The following BMERB1 variants were observed in gnomAD, a reference collection of about 807,000 sequenced individuals.
The protein encoded by BMERB1 is bMERB domain-containing protein 1.
Under a neutral mutation model 23.6 loss-of-function variants are expected in BMERB1, and 12 were observed. The observed-to-expected ratio is 0.51, with a 90% CI of 0.33 to 0.82. The LOEUF is 0.82. Among genes scored for constraint, BMERB1 ranks in the 40% least tolerant of loss-of-function variants. The pLI is 0.03. For missense variants in BMERB1, 247 were observed against 255.4 expected (o/e 0.97, Z 0.22); for synonymous variants, 122 against 96.6 (o/e 1.26, Z -1.54).
Position 15,436,198 on chromosome 16 carries a change from A to G in BMERB1, c.106+1439A>G, listed in dbSNP as rs952627161. Among the ~76,000 whole-genome samples the G allele has an allele frequency of 1.6e-4, 24 of 151,138 alleles. 1 individual carries two copies. The highest frequency in any genetic ancestry group is 4.6e-4 in the Admixed American group (7 of 15,124). ...TTTTTTTTGTGTTACAAACAATCCA[A>G]TTACACTCCTTTTTTAAAAAAGCCC... On this transcript the variant is annotated intron_variant, in intron 1 of 5. Transcript: ENST00000300006.
chr16:15,539,706 G>C (rs145227562), intron 2 of BMERB1, among the ~76,000 whole-genome samples: 2,168 of 152,066 alleles, frequency 0.014, 59 homozygotes, highest in African/African-American at 0.051. Context: ...AGCTGGGCGT[G>C]GTGGTGCACA....
At chr16:15,542,631 ATTT>A (rs927255507) in intron 2 of BMERB1, among the ~76,000 whole-genome samples, 2,577 of 96,816 alleles carry the variant, frequency 0.027, 25 homozygotes, top group Non-Finnish European at 0.04. Flanking sequence ...CCTCCTAGGG[ATTT>A]TTTTTTTTTT....
At chr16:15,495,549 G>C (rs149656500) in intron 1 of BMERB1, among the ~76,000 whole-genome samples, 1 of 152,030 alleles carries the variant, frequency 6.6e-6, no homozygotes, top group African/African-American at 2.4e-5. Flanking sequence ...GTATTTTTTA[G>C]TAGAGGTGGG....
chr16:15,468,647 T>G lies in BMERB1; in HGVS notation c.106+33888T>G, dbSNP rs150348403. 9.0e-4 allele frequency among the ~76,000 whole-genome samples: 137 copies of G among 152,304 alleles called. 1 individual carries two copies. The highest frequency in any genetic ancestry group is 3.2e-3 in the African/African-American group (131 of 41,556). On this transcript the variant is annotated intron_variant, in intron 1 of 5. Coordinates refer to ENST00000300006, the MANE Select transcript of BMERB1 (RefSeq NM_033201.3). ...GCCTTAGAATTTTGTTTTTGGTTTA[T>G]ACTCTTCACAGACTCTTTTGCAGAG...
At chr16:15,520,559 C>A (rs144979547) in intron 2 of BMERB1, among the ~76,000 whole-genome samples, 2,108 of 149,242 alleles carry the variant, frequency 0.014, 53 homozygotes, top group African/African-American at 0.051. Flanking sequence ...TCTGGACTCA[C>A]TACAAGCTCC....
intron 2 of BMERB1, among the ~76,000 whole-genome samples, chr16:15,547,702 A>G (rs941669193): frequency 1.3e-4 from 20 of 152,124 alleles, no homozygotes; most frequent in African/African-American, 4.3e-4. Flanking sequence ...AATAGCTGTC[A>G]TGGAGGCCTG....
intron 2 of BMERB1, chr16:15,533,013 A>T (rs2051984916): frequency 2.2e-6 from 1 of 455,494 alleles, no homozygotes; most frequent in Admixed American, 2.4e-5. Flanking sequence ...CAAATATCTT[A>T]CCTTCTCTGA....
intron 1 of BMERB1, among the ~76,000 whole-genome samples, chr16:15,448,428 A>G (rs2051010167): frequency 6.6e-6 from 1 of 152,158 alleles, no homozygotes; most frequent in East Asian, 1.9e-4. Flanking sequence ...AGAAGGAAAG[A>G]AGGTCTTCTA....
At position 15,583,254 on chromosome 16, in the gene BMERB1, A is replaced by G. The variant is rs773564644; in HGVS notation, c.502+16A>G. The G allele has an allele frequency of 2.4e-5, 38 of 1,555,152 alleles. No homozygotes were observed. The highest frequency in any genetic ancestry group is 1.7e-4 in the Middle Eastern group (1 of 5,970). On this transcript the variant is annotated intron_variant, in intron 5 of 5. Transcript: ENST00000300006. Reference sequence around the variant, plus strand: ...TCTCCAGCCAGTGAGTATATACATTATTCATTCCCCTCCCCCACAAAAGAG... The same window carrying G: ...TCTCCAGCCAGTGAGTATATACATTGTTCATTCCCCTCCCCCACAAAAGAG...
intron 1 of BMERB1, among the ~76,000 whole-genome samples, chr16:15,481,260 C>G (rs1284041221): frequency 1.3e-5 from 2 of 152,136 alleles, no homozygotes; most frequent in African/African-American, 2.4e-5. Flanking sequence ...GGCACAGTGG[C>G]TCATGCCTGT....
At chr16:15,533,786 A>G (rs2051993356) in intron 2 of BMERB1, among the ~76,000 whole-genome samples, 2 of 152,122 alleles carry the variant, frequency 1.3e-5, no homozygotes, top group Admixed American at 1.3e-4. Flanking sequence ...CAGAGAAGGA[A>G]CTCAGCCATG....
intron 1 of BMERB1, among the ~76,000 whole-genome samples, chr16:15,467,663 G>A (rs1166923712): frequency 6.6e-6 from 1 of 152,024 alleles, no homozygotes; most frequent in Non-Finnish European, 1.5e-5. Context: ...TCACTTTCTT[G>A]TCAATGAAGA....
At chr16:15,579,983 T>G (rs2030966409) in intron 3 of BMERB1, among the ~76,000 whole-genome samples, 2 of 152,192 alleles carry the variant, frequency 1.3e-5, no homozygotes, top group Non-Finnish European at 2.9e-5. Context: ...TAGGTAAACG[T>G]GGGCCATGGT....
chr16:15,524,320 G>A (rs1457438958), intron 2 of BMERB1, among the ~76,000 whole-genome samples: 5 of 152,100 alleles, frequency 3.3e-5, no homozygotes, highest in Non-Finnish European at 5.9e-5. Context: ...TGTAGGGGAG[G>A]GAAAGGAAGG....
chr16:15,565,556 A>G (rs2030540716), intron 2 of BMERB1, among the ~76,000 whole-genome samples: 1 of 152,214 alleles, frequency 6.6e-6, no homozygotes, highest in Admixed American at 6.5e-5. Flanking sequence ...GATGTTCAAT[A>G]AAGACGTGCA....
chr16:15,550,290 G>A (rs984822866), intron 2 of BMERB1, among the ~76,000 whole-genome samples: 2 of 151,342 alleles, frequency 1.3e-5, no homozygotes, highest in Non-Finnish European at 2.9e-5. Flanking sequence ...TGGAAATTAC[G>A]AGGTGGGACT....
chr16:15,501,031 C>T (rs1331579842), intron 1 of BMERB1, among the ~76,000 whole-genome samples: 8 of 152,202 alleles, frequency 5.3e-5, no homozygotes, highest in African/African-American at 1.9e-4. Flanking sequence ...GGATATAAAA[C>T]ATCTCATTCG....
At chr16:15,502,553 A>C (rs1486332753) in intron 1 of BMERB1, among the ~76,000 whole-genome samples, 1 of 152,150 alleles carries the variant, frequency 6.6e-6, no homozygotes, top group Non-Finnish European at 1.5e-5. Flanking sequence ...AAGGCGAGGC[A>C]CTTGGTGCAT....
intron 1 of BMERB1, among the ~76,000 whole-genome samples, chr16:15,506,611 G>A (rs1370528147): frequency 1.3e-5 from 2 of 151,858 alleles, no homozygotes; most frequent in Admixed American, 1.3e-4. Context: ...TGAGATGCCA[G>A]ACTCCTCAAC....
Sources: allele counts gnomAD v4.1 joint callset (sites outside exome capture counted in the v4.1 genomes callset), GRCh38; gene constraint gnomAD v4.1.1; transcripts MANE v1.5; gene names NCBI Gene and HGNC (gene_info 2026-07-23, HGNC 2026-07-21).